The following KLHL5 variants were observed in gnomAD, a reference collection of about 807,000 sequenced individuals.
KLHL5 encodes kelch like family member 5, also known as kelch-like protein 5.
In KLHL5, 48 loss-of-function variants were observed where a neutral mutation model predicts 77.7. The ratio of observed to expected loss-of-function variants is 0.62; its 90% confidence interval spans 0.49 to 0.79. KLHL5 has a LOEUF of 0.79. KLHL5 is among the 30% of genes least tolerant of loss of function. KLHL5 has a pLI of 0.00. For missense variants in KLHL5, 723 were observed against 859.7 expected, an observed-to-expected ratio of 0.84 and a Z score of 1.99; for synonymous variants, 260 against 297.0, an observed-to-expected ratio of 0.88 and a Z score of 1.28.
At chr4:39,080,344 T>C (rs1304206447) in intron 2 of KLHL5, among the ~76,000 whole-genome samples, 1 of 151,972 alleles carries the variant, frequency 6.6e-6, no homozygotes, top group Non-Finnish European at 1.5e-5. Flanking sequence ...CTGGCCATCA[T>C]GGCGAAACTC....
rs1440360395 is a variant in KLHL5 at position 39,103,303 on chromosome 4, A to G, written c.1317A>G (p.Glu439=). 3.2e-5 allele frequency: 52 copies of G among 1,613,226 alleles called. No homozygotes were observed. Among genetic ancestry groups the G allele is most frequent in the Non-Finnish European group, 4.2e-5 (49 of 1,179,610 alleles). ...MDSTKGATSI[E]KYDLRTNMWT... ...ACTATGAAGGAGCAACAAGCATTGAAAAGTATGATCTCCGTACAAATATGT... is the reference window on the plus strand; with the variant it reads ...ACTATGAAGGAGCAACAAGCATTGAGAAGTATGATCTCCGTACAAATATGT... Residue 439 remains glutamate, a synonymous_variant, in exon 7 of 11, where the codon GAA becomes GAG. Transcript: ENST00000504108.
chr4:39,063,691 C>T (rs567001828), intron 1 of KLHL5: 34 of 346,572 alleles, frequency 9.8e-5, no homozygotes, highest in African/African-American at 5.8e-4. Flanking sequence ...GACATTCCTC[C>T]AGGAGAGTTT....
At chr4:39,045,854 T>A (rs1189827767) in intron 1 of KLHL5, among the ~76,000 whole-genome samples, 1 of 149,424 alleles carries the variant, frequency 6.7e-6, no homozygotes, top group Admixed American at 6.6e-5. Context: ...ATTCTGTTTC[T>A]GGTGTCTTCT....
Position 39,062,975 on chromosome 4 carries a change from G to A in KLHL5, c.323G>A (p.Arg108Lys), listed in dbSNP as rs779223130. 1.9e-6 allele frequency: 3 copies of A among 1,614,048 alleles called. No individual in the cohort carries two copies. Among genetic ancestry groups the A allele is most frequent in the South Asian group, 2.2e-5 (2 of 91,028 alleles). The change falls in exon 1 of 11, where the codon AGA (arginine) becomes AAA (lysine). Residue 108 changes from arginine to lysine, a missense_variant. Physicochemically the swap from Arg to Lys is conservative, Grantham distance 26 (BLOSUM62 2). This residue lies in a region of KLHL5 where 221 missense variants were observed against 222.1 expected (regional missense o/e 1.00). Coordinates refer to ENST00000504108, the MANE Select transcript of KLHL5 (RefSeq NM_015990.5). ...EDCGGAHWLD[R>K]PEVDDGTSEE... ...TGTGGCGGTGCACATTGGCTGGATA[G>A]ACCAGAAGTGGATGATGGCACTAGT...
At chr4:39,061,912 C>G (rs1258457002), upstream of KLHL5, among the ~76,000 whole-genome samples, 1 of 152,128 alleles carries the variant, frequency 6.6e-6, no homozygotes, top group Admixed American at 6.6e-5. Flanking sequence ...CAGGATCTTA[C>G]TGTATTAATT....
Position 39,125,999 on chromosome 4 carries a change from CAGAA to C in KLHL5, c.*4936_*4939del, listed in dbSNP as rs1723519446. ...AATAAATGAATTTCTAAAAATCTAA[CAGAA>C]AGGCTCTTAAATCTTAATTTCAACC... is the stretch of plus-strand genomic sequence containing the variant. On this transcript the variant is annotated 3_prime_UTR_variant, in exon 11 of 11. Coordinates refer to ENST00000504108, the MANE Select transcript of KLHL5 (RefSeq NM_015990.5). 6.6e-6 allele frequency among the ~76,000 whole-genome samples: 1 copy of C among 152,094 alleles called. No individual in the cohort carries two copies. Among genetic ancestry groups the C allele is most frequent in the African/African-American group, 2.4e-5 (1 of 41,420 alleles).
At chr4:39,096,229 C>T (rs1560429327) in intron 5 of KLHL5, among the ~76,000 whole-genome samples, 1 of 151,724 alleles carries the variant, frequency 6.6e-6, no homozygotes, top group Admixed American at 6.6e-5. Context: ...AGTTCTTTTC[C>T]CCTTGAGAAA....
chr4:39,112,892 C>T, intron 8 of KLHL5, 128 bp from the exon 9 acceptor site: 1 of 735,500 alleles, frequency 1.4e-6, no homozygotes, highest in Non-Finnish European at 2.2e-6. Context: ...TAATGACACA[C>T]ACATTGACAG....
chr4:39,064,268 A>T (rs1005606902), intron 1 of KLHL5, among the ~76,000 whole-genome samples: 4 of 117,796 alleles, frequency 3.4e-5, no homozygotes, highest in African/African-American at 1.1e-4. Flanking sequence ...TAGTGTATTT[A>T]ATTTAAATTT....
Position 39,107,683 on chromosome 4 carries a change from C to CT in KLHL5, c.1641dup (p.Met548TyrfsTer5). ...GCTCGCCAGTGGAATTTTGTTGCCA[C>CT]TATGTCTACCCCTAGGAGTACAGTA... On this transcript the variant is annotated frameshift_variant, in exon 8 of 11. Coordinates refer to ENST00000504108, the MANE Select transcript of KLHL5 (RefSeq NM_015990.5). LOFTEE classifies it high-confidence loss of function. 2.5e-6 allele frequency: 4 copies of CT among 1,612,936 alleles called. No individual in the cohort carries two copies. Among genetic ancestry groups the CT allele is most frequent in the Non-Finnish European group, 3.4e-6 (4 of 1,179,206 alleles).
chr4:39,064,312 AG>A (rs1717695143), intron 1 of KLHL5, among the ~76,000 whole-genome samples: 1 of 152,092 alleles, frequency 6.6e-6, no homozygotes, highest in African/African-American at 2.4e-5. Flanking sequence ...CATTATCTTA[AG>A]GGAATAGAAG....
chr4:39,118,443 G>T (rs1300221841), intron 10 of KLHL5, among the ~76,000 whole-genome samples: 1 of 152,104 alleles, frequency 6.6e-6, no homozygotes, highest in Non-Finnish European at 1.5e-5. Flanking sequence ...TGAGAAAAGG[G>T]CAGGAAACAG....
chr4:39,141,987 A>AAACCAAATTGTT, the KLHL5 span, among the ~76,000 whole-genome samples: 1 of 152,170 alleles, frequency 6.6e-6, no homozygotes, highest in Non-Finnish European at 1.5e-5. Flanking sequence ...AAAGTACCCT[A>AAACCAAATTGTT]TAAACAATTA....
chr4:39,124,740 T>C lies in KLHL5; in HGVS notation c.*3674T>C, dbSNP rs537516341. On this transcript the variant is annotated 3_prime_UTR_variant, in exon 11 of 11. Coordinates refer to ENST00000504108, the MANE Select transcript of KLHL5 (RefSeq NM_015990.5). Reference sequence around the variant, plus strand: ...GAGAAGAAAATACAGGAATAAATCTTCATGACCTTGGATTTGGCAATGGTT... The same window carrying C: ...GAGAAGAAAATACAGGAATAAATCTCCATGACCTTGGATTTGGCAATGGTT... Among the ~76,000 whole-genome samples the C allele has an allele frequency of 7.1e-6, 1 of 141,324 alleles. No homozygotes were observed. The highest frequency in any genetic ancestry group is 7.9e-5 in the Admixed American group (1 of 12,630). The allele number at this position is 141,324 out of a possible 152,430, so 92.7% of individuals were successfully genotyped here.
At chr4:39,142,962 G>A in the KLHL5 span, among the ~76,000 whole-genome samples, 2 of 152,132 alleles carry the variant, frequency 1.3e-5, no homozygotes, top group Admixed American at 1.3e-4. Context: ...GGAGTCTTGT[G>A]GTGATGGTAG....
chr4:39,058,231 T>C (rs919080919), upstream of KLHL5, among the ~76,000 whole-genome samples: 5 of 152,196 alleles, frequency 3.3e-5, no homozygotes, highest in African/African-American at 1.2e-4. Context: ...AAGACATCTG[T>C]TTAGCCATTG....
At chr4:39,103,612 A>G in intron 7 of KLHL5, 101 bp downstream of exon 7, 1 of 865,182 alleles carries the variant, frequency 1.2e-6, no homozygotes, top group East Asian at 2.4e-5. Context: ...CCACTGCGTC[A>G]GCAGCAGTCA....
At chr4:39,045,138 T>C (rs1716061671) in intron 1 of KLHL5, 1 of 983,936 alleles carries the variant, frequency 1.0e-6, no homozygotes, top group Non-Finnish European at 1.2e-6. Context: ...GGGGGCCGCC[T>C]CGGGCAGGGC....
intron 8 of KLHL5, among the ~76,000 whole-genome samples, chr4:39,109,363 T>C (rs1419350717): frequency 6.6e-6 from 1 of 152,134 alleles, no homozygotes; most frequent in Non-Finnish European, 1.5e-5. Context: ...TGGCATGATC[T>C]CGGCACACTG....
Sources: allele counts gnomAD v4.1 joint callset (sites outside exome capture counted in the v4.1 genomes callset), GRCh38; gene constraint gnomAD v4.1.1; regional missense constraint gnomAD v4.1.1; transcripts MANE v1.5; gene names NCBI Gene and HGNC (gene_info 2026-07-23, HGNC 2026-07-21).